Variants in NLRP4 observed in about 807,000 individuals in gnomAD.
NLRP4 encodes the protein NACHT, LRR and PYD domains-containing protein 4.
A neutral mutation model predicts 84.7 loss-of-function variants in NLRP4; 44 were observed. That is an observed-to-expected ratio of 0.52 (90% CI 0.41 to 0.67). NLRP4 has a LOEUF of 0.67. NLRP4 is among the 30% of genes least tolerant of loss of function. The pLI, the probability that NLRP4 is intolerant of heterozygous loss-of-function variation, is 0.00. For synonymous variants in NLRP4, 544 were observed against 476.4 expected, an observed-to-expected ratio of 1.14 and a Z score of -1.85; for missense variants, 1,260 against 1,219.4, an observed-to-expected ratio of 1.03 and a Z score of -0.50.
At chr19:55,859,806 A>G (rs1345174921) in intron 3 of NLRP4, among the ~76,000 whole-genome samples, 1 of 151,218 alleles carries the variant, frequency 6.6e-6, no homozygotes, top group Non-Finnish European at 1.5e-5. Flanking sequence ...GCACACCTGT[A>G]ATCCCAGCTA....
intron 2 of NLRP4, among the ~76,000 whole-genome samples, chr19:55,853,925 C>CTCTTTCTCTCTCTCTTTCTG (rs1210697577): frequency 1.3e-5 from 2 of 149,918 alleles, no homozygotes; most frequent in Non-Finnish European, 3.0e-5. Flanking sequence ...CTTTCTCTTT[C>CTCTTTCTCTCTCTCTTTCTG]TCTTTCTCTC....
chr19:55,842,654 A>T, intron 1 of NLRP4, among the ~76,000 whole-genome samples: 1 of 151,156 alleles, frequency 6.6e-6, no homozygotes. Context: ...TTCACCTGCA[A>T]TAATTTTCCT....
Position 55,857,978 on chromosome 19 carries a change from G to A in NLRP4, c.585G>A (p.Glu195=), listed in dbSNP as rs751064983. 1.2e-6 allele frequency: 2 copies of A among 1,614,144 alleles called. No homozygotes were observed. The highest frequency in any genetic ancestry group is 1.1e-5 in the South Asian group (1 of 91,070). ...TFYFCCRELR[E]LPPTSLADLI... ...ATTTCTGCTGCAGAGAACTGAGGGA[G>A]TTGCCGCCAACGAGTTTGGCTGACT... The change falls in exon 3 of 10, where the codon GAG becomes GAA. Residue 195 remains glutamate (E), a synonymous_variant. Transcript: ENST00000301295.
chr19:55,876,582 G>T (rs111615556), intron 7 of NLRP4, among the ~76,000 whole-genome samples: 2 of 151,940 alleles, frequency 1.3e-5, no homozygotes, highest in East Asian at 1.9e-4. Flanking sequence ...AGGCTGGTCT[G>T]GAACTTCTGA....
intron 6 of NLRP4, among the ~76,000 whole-genome samples, 156 bp from the exon 7 acceptor site, chr19:55,870,671 T>A (rs976898019): frequency 5.3e-5 from 8 of 152,078 alleles, no homozygotes; most frequent in African/African-American, 1.9e-4. Flanking sequence ...CTCAAAAGAA[T>A]AAATGAGAGG....
rs912984889 is a variant in NLRP4, at chr19:55,874,347, A to G, written c.2526-2649A>G. 3.9e-5 allele frequency among the ~76,000 whole-genome samples: 6 copies of G among 152,190 alleles called. No homozygotes were observed. In the East Asian group the frequency reaches 5.8e-4, roughly 15 times the overall value. ...CTCTCTAAGGTTCACTATGTATTTT[A>G]TACTATGGCACATCTAGATTCAGAC... is the stretch of plus-strand genomic sequence containing the variant. On this transcript the variant is annotated intron_variant, in intron 7 of 9. Coordinates refer to ENST00000301295, the MANE Select transcript of NLRP4 (RefSeq NM_134444.5).
At position 55,848,360 on chromosome 19, in the gene NLRP4, C is replaced by T. The variant is rs1270069770; in HGVS notation, c.-65-3656C>T. 2.0e-5 allele frequency among the ~76,000 whole-genome samples: 3 copies of T among 151,136 alleles called. No homozygotes were observed. In the East Asian group the frequency reaches 5.8e-4, roughly 29 times the overall value. ...TCCACTCTGAAGTTAATCCCTACCC[C>T]TTTTTATACTATAGTATTGTATACT... is the stretch of plus-strand genomic sequence containing the variant. On this transcript the variant is annotated intron_variant, in intron 1 of 9. Coordinates refer to ENST00000301295, the MANE Select transcript of NLRP4 (RefSeq NM_134444.5).
In NLRP4 at chr19:55,870,950, T is replaced by C; in HGVS notation, c.2478T>C (p.Thr826=). The C allele has an allele frequency of 6.2e-7, 1 of 1,614,158 alleles. No individual in the cohort carries two copies. Among genetic ancestry groups the C allele is most frequent in the Non-Finnish European group, 8.5e-7 (1 of 1,180,014 alleles). Residue 826 remains threonine, a synonymous_variant, in exon 7 of 10, where the codon ACT becomes ACC. Coordinates refer to ENST00000301295, the MANE Select transcript of NLRP4 (RefSeq NM_134444.5). ...TCCTGAAGGACGAAGGACTGAAAAC[T>C]CTCTGCGAGGCCTTGAAACATCCGG... ...ANVLKDEGLK[T]LCEALKHPDC...
At chr19:55,877,705 C>T (rs1985425973) in intron 8 of NLRP4, among the ~76,000 whole-genome samples, 1 of 152,114 alleles carries the variant, frequency 6.6e-6, no homozygotes, top group Non-Finnish European at 1.5e-5. Flanking sequence ...GCTTCAGGCC[C>T]TTCTTGTCTT....
At chr19:55,848,857 TC>T (rs35524460) in intron 1 of NLRP4, among the ~76,000 whole-genome samples, 7,716 of 152,136 alleles carry the variant, frequency 0.051, 660 homozygotes, top group African/African-American at 0.17. Context: ...GGGGATGGTT[TC>T]CCCCATACTG....
intron 1 of NLRP4, among the ~76,000 whole-genome samples, chr19:55,849,838 G>GGTGTAATTTCCGTAGCTGCA (rs1568657880): frequency 6.0e-5 from 9 of 149,126 alleles, no homozygotes; most frequent in African/African-American, 2.0e-4. Context: ...CCGAAGCTGC[G>GGTGTAATTTCCGTAGCTGCA]GTGTAATTTC....
chr19:55,860,989 C>T (rs1207873530), intron 3 of NLRP4, among the ~76,000 whole-genome samples: 2 of 152,084 alleles, frequency 1.3e-5, no homozygotes, highest in Non-Finnish European at 2.9e-5. Flanking sequence ...AAAAAATAAA[C>T]CTATTTTGGA....
At chr19:55,870,723 G>T in intron 6 of NLRP4, 104 bp from the exon 7 acceptor site, 1 of 777,558 alleles carries the variant, frequency 1.3e-6, no homozygotes, top group Non-Finnish European at 2.2e-6. Flanking sequence ...CAGCTGGGGA[G>T]TTTGTAAGAT....
intron 1 of NLRP4, among the ~76,000 whole-genome samples, chr19:55,841,084 AATG>A (rs1364377278): frequency 6.6e-6 from 1 of 152,240 alleles, no homozygotes; most frequent in Non-Finnish European, 1.5e-5. Flanking sequence ...TCCATTGTAT[AATG>A]ATCCAATCAG....
intron 1 of NLRP4, among the ~76,000 whole-genome samples, chr19:55,849,974 G>A (rs144255895): frequency 9.3e-6 from 1 of 107,524 alleles, no homozygotes. Context: ...AATTTCCGTA[G>A]CTGCGGTGTA....
In NLRP4 at chr19:55,858,264, G is replaced by C. The variant is rs148902972; in HGVS notation, c.871G>C (p.Val291Leu). The C allele has an allele frequency of 9.9e-6, 16 of 1,614,068 alleles. No homozygotes were observed. The African/African-American group carries it at 2.1e-4, about 22-fold the overall frequency. Residue 291 changes from valine (V) to leucine (L), a missense_variant, in exon 3 of 10, where the codon GTG becomes CTG. Physicochemically the swap from Val to Leu is conservative, Grantham distance 32. Transcript: ENST00000301295. The surrounding 1 kb of genome is among the most constrained non-coding windows in gnomAD (Gnocchi z 4.2). Reference sequence around the variant, plus strand: ...GTGCCCGAAGGAGCTCCGGGATCAGGTGACGATCTCAGAAATCTACCAGCC... The same window carrying C: ...GTGCCCGAAGGAGCTCCGGGATCAGCTGACGATCTCAGAAATCTACCAGCC... Reference protein sequence around the residue: ...PVCPKELRDQVTISEIYQPRG... With the variant: ...PVCPKELRDQLTISEIYQPRG...
chr19:55,845,296 A>G (rs1302735337), intron 1 of NLRP4, among the ~76,000 whole-genome samples: 3 of 150,262 alleles, frequency 2.0e-5, no homozygotes, highest in South Asian at 2.1e-4. Context: ...TTGTCCTTGC[A>G]ATAGTTTGCT....
chr19:55,851,930 C>A, intron 1 of NLRP4, 86 bp from the exon 2 acceptor site: 2 of 611,220 alleles, frequency 3.3e-6, no homozygotes, highest in Non-Finnish European at 5.7e-6. Context: ...TCATTGCCAT[C>A]CCCCCAGTAC....
At chr19:55,876,652 C>T (rs1985383268) in intron 7 of NLRP4, among the ~76,000 whole-genome samples, 2 of 152,086 alleles carry the variant, frequency 1.3e-5, no homozygotes, top group African/African-American at 2.4e-5. Context: ...CATGAGCCAC[C>T]GCATCTGGCC....
Sources: allele counts gnomAD v4.1 joint callset (sites outside exome capture counted in the v4.1 genomes callset), GRCh38; gene constraint gnomAD v4.1.1; non-coding constraint Gnocchi (gnomAD v3.1); transcripts MANE v1.5; gene names NCBI Gene and HGNC (gene_info 2026-07-23, HGNC 2026-07-21).